Variants in WDR41 observed in about 807,000 individuals in gnomAD.
WDR41 encodes the protein WD repeat domain 41.
In WDR41, 63 loss-of-function variants were observed where a neutral mutation model predicts 69.3. That is an observed-to-expected ratio of 0.91 (90% CI 0.74 to 1.12). The LOEUF is 1.12. WDR41 is among the 50% of genes most tolerant of loss of function. The pLI, the probability that WDR41 is intolerant of heterozygous loss-of-function variation, is 0.00. For synonymous variants in WDR41, 185 were observed against 192.1 expected, an observed-to-expected ratio of 0.96 and a Z score of 0.31; for missense variants, 543 against 534.5, an observed-to-expected ratio of 1.02 and a Z score of -0.16.
chr5:77,481,989 C>G (rs1019628998), intron 2 of WDR41, among the ~76,000 whole-genome samples: 1 of 152,320 alleles, frequency 6.6e-6, no homozygotes, highest in South Asian at 2.1e-4. Context: ...TTTTATTTCA[C>G]AGAGGCATAA....
At chr5:77,619,410 G>T (rs1388766149) in intron 1 of WDR41, among the ~76,000 whole-genome samples, 1 of 152,106 alleles carries the variant, frequency 6.6e-6, no homozygotes, top group African/African-American at 2.4e-5. Context: ...AGGTTTCATT[G>T]TCTCAACCTA....
intron 1 of WDR41, among the ~76,000 whole-genome samples, chr5:77,503,193 A>G (rs1309760547): frequency 6.8e-6 from 1 of 147,172 alleles, no homozygotes; most frequent in East Asian, 1.9e-4. Flanking sequence ...TGGAAAGCAA[A>G]AAAAAAAAAA....
rs374781725 is a variant in WDR41 at position 77,552,411 on chromosome 5, T to C, written c.43-62839A>G. Among the ~76,000 whole-genome samples, 23 of 152,340 alleles carry C rather than the reference T, an allele frequency of 1.5e-4. No individual in the cohort carries two copies. The East Asian group carries it at 3.5e-3, about 23-fold the overall frequency. ...AAGAAGACTTAAATAAATGAAGAGA[T>C]ATATCATGTTTATGAACTGGAAGAC... On this transcript the variant is annotated intron_variant, in intron 1 of 5. Coordinates refer to the WDR41 transcript ENST00000509971.
intron 1 of WDR41, among the ~76,000 whole-genome samples, chr5:77,600,736 C>T (rs902191497): frequency 2.0e-5 from 3 of 151,876 alleles, no homozygotes; most frequent in Non-Finnish European, 2.9e-5. Flanking sequence ...GAAAATTAGC[C>T]GGGGGCAGTG....
chr5:77,475,808 A>G (rs1170465245), intron 2 of WDR41, among the ~76,000 whole-genome samples: 1 of 152,208 alleles, frequency 6.6e-6, no homozygotes, highest in Admixed American at 6.5e-5. Context: ...GCAACGGAAC[A>G]AAGCTGGATG....
intron 1 of WDR41, among the ~76,000 whole-genome samples, chr5:77,558,118 A>AAAAAAAAAAAAAAAAAAAAAAAG (rs1743447677): frequency 6.9e-6 from 1 of 144,018 alleles, no homozygotes; most frequent in African/African-American, 2.6e-5. Flanking sequence ...AAAAAAAAAC[A>AAAAAAAAAAAAAAAAAAAAAAAG]AAACAGGAGT....
At chr5:77,463,335 T>A in intron 3 of WDR41, 109 bp from the exon 4 acceptor site, 3 of 956,252 alleles carry the variant, frequency 3.1e-6, no homozygotes, top group Non-Finnish European at 2.9e-6. Flanking sequence ...ACATTCCATT[T>A]AAAATTACTT....
chr5:77,484,925 A>C (rs1206094979), intron 2 of WDR41, among the ~76,000 whole-genome samples: 6 of 152,214 alleles, frequency 3.9e-5, no homozygotes, highest in African/African-American at 1.4e-4. Flanking sequence ...CTGGGATTTA[A>C]GCAAGATAGT....
intron 1 of WDR41, among the ~76,000 whole-genome samples, chr5:77,511,849 G>A (rs758873389): frequency 6.6e-6 from 1 of 151,774 alleles, no homozygotes; most frequent in Non-Finnish European, 1.5e-5. Context: ...CATTAGTTAA[G>A]TTTCGATTCT....
chr5:77,485,319 T>G (rs1801466238), intron 2 of WDR41, among the ~76,000 whole-genome samples: 1 of 152,240 alleles, frequency 6.6e-6, no homozygotes, highest in Non-Finnish European at 1.5e-5. Flanking sequence ...GGTTAGTGTA[T>G]AAGAAAGAAT....
intron 1 of WDR41, among the ~76,000 whole-genome samples, chr5:77,524,681 T>G (rs1053777048): frequency 2.0e-5 from 3 of 152,200 alleles, no homozygotes; most frequent in African/African-American, 7.2e-5. Flanking sequence ...TCAGTCTAGT[T>G]TTCCTCAACT....
At chr5:77,480,944 A>T (rs116100480) in intron 2 of WDR41, among the ~76,000 whole-genome samples, 4 of 152,034 alleles carry the variant, frequency 2.6e-5, no homozygotes, top group Non-Finnish European at 4.4e-5. Context: ...TACTAGAGAA[A>T]CATTCTTGGT....
chr5:77,474,165 C>T (rs1222261193), intron 2 of WDR41, among the ~76,000 whole-genome samples: 1 of 152,096 alleles, frequency 6.6e-6, no homozygotes, highest in Admixed American at 6.5e-5. Context: ...AACCATCATT[C>T]TCAGCAAACT....
rs1409777822 is a variant in WDR41, at chr5:77,469,132, AT to A, written c.168-4324del. 2.6e-5 allele frequency among the ~76,000 whole-genome samples: 4 copies of A among 152,144 alleles called. No individual in the cohort carries two copies. The East Asian group carries it at 7.7e-4, about 29-fold the overall frequency. On this transcript the variant is annotated intron_variant, in intron 2 of 12. Transcript: ENST00000296679. ...TGGAAACCATCATTCTCAGCAAACT[AT>A]CGCCAAGGACAAAAAACCAAACACC...
intron 1 of WDR41, among the ~76,000 whole-genome samples, chr5:77,616,480 G>T (rs1273973193): frequency 6.6e-6 from 1 of 152,168 alleles, no homozygotes; most frequent in Non-Finnish European, 1.5e-5. Flanking sequence ...GGGAACTAAG[G>T]ATGCCCTGGG....
chr5:77,554,998 T>A (rs1458831370), intron 1 of WDR41, among the ~76,000 whole-genome samples: 15 of 151,198 alleles, frequency 9.9e-5, no homozygotes, highest in Non-Finnish European at 1.5e-5. Flanking sequence ...GAAGCTGAGG[T>A]GGGAGGATTC....
chr5:77,583,321 C>G (rs1451129848), intron 1 of WDR41, among the ~76,000 whole-genome samples: 1 of 151,446 alleles, frequency 6.6e-6, no homozygotes, highest in Non-Finnish European at 1.5e-5. Context: ...TCAAGACCAG[C>G]CTGAGCAACA....
At chr5:77,503,974 A>G (rs1408053629) in intron 1 of WDR41, among the ~76,000 whole-genome samples, 3 of 152,180 alleles carry the variant, frequency 2.0e-5, no homozygotes, top group African/African-American at 7.2e-5. Flanking sequence ...GAACTAGAGA[A>G]GCAAGAACAA....
chr5:77,438,183 T>A, intron 10 of WDR41, 57 bp downstream of exon 10: 2 of 1,606,650 alleles, frequency 1.2e-6, no homozygotes, highest in Non-Finnish European at 1.7e-6. Context: ...ATTACACTGG[T>A]AGCCCTGGGA....
Sources: gnomAD v4.1 joint callset for allele counts (sites outside exome capture counted in the v4.1 genomes callset) on GRCh38, gnomAD v4.1.1 for gene constraint, MANE v1.5 for transcripts, NCBI Gene and HGNC (gene_info 2026-07-23, HGNC 2026-07-21) for gene names.